Variants in MIR2052HG observed in about 807,000 individuals in gnomAD.
The protein encoded by MIR2052HG is MIR2052 host gene.
intron 4 of MIR2052HG, among the ~76,000 whole-genome samples, chr8:74,734,559 T>A (rs73687265): frequency 0.019 from 2,859 of 152,298 alleles, 80 homozygotes; most frequent in African/African-American, 0.064. Context: ...CAAAGCCCTG[T>A]AGGTCATTAT....
chr8:74,724,346 C>G (rs1418523284), intron 4 of MIR2052HG, among the ~76,000 whole-genome samples: 1 of 152,110 alleles, frequency 6.6e-6, no homozygotes, highest in Non-Finnish European at 1.5e-5. Context: ...CCAGAAGGAA[C>G]TTAAAGTAAT....
intron 2 of MIR2052HG, among the ~76,000 whole-genome samples, chr8:74,685,545 G>A (rs938176793): frequency 2.6e-5 from 4 of 152,020 alleles, no homozygotes; most frequent in African/African-American, 4.8e-5. Context: ...CTTCTGTAGC[G>A]TTTGGTTTGG....
At chr8:74,602,876 T>TCTTTCTTTCTTTCTTTCTTTTC (rs1554570015) in intron 1 of MIR2052HG, among the ~76,000 whole-genome samples, 5 of 137,172 alleles carry the variant, frequency 3.6e-5, no homozygotes, top group East Asian at 2.2e-4. Flanking sequence ...TTTCTTTCTT[T>TCTTTCTTTCTTTCTTTCTTTTC]TTTCTATTCA....
At chr8:74,662,304 A>T (rs1252117172) in intron 2 of MIR2052HG, among the ~76,000 whole-genome samples, 1 of 152,154 alleles carries the variant, frequency 6.6e-6, no homozygotes, top group Admixed American at 6.5e-5. Flanking sequence ...TTGCCTATTT[A>T]TATATTCCAA....
At chr8:74,628,060 C>T (rs919524767) in intron 2 of MIR2052HG, among the ~76,000 whole-genome samples, 4 of 152,144 alleles carry the variant, frequency 2.6e-5, no homozygotes, top group African/African-American at 9.7e-5. Context: ...TTCTGATTGC[C>T]TTGTTCTGCT....
At chr8:74,606,082 AG>A (rs1808106613) in intron 1 of MIR2052HG, among the ~76,000 whole-genome samples, 1 of 152,224 alleles carries the variant, frequency 6.6e-6, no homozygotes, top group Non-Finnish European at 1.5e-5. Context: ...TAGGCAAAAA[AG>A]TTAAAAGGAT....
At chr8:74,640,364 G>C (rs1019378103) in intron 2 of MIR2052HG, among the ~76,000 whole-genome samples, 3 of 151,462 alleles carry the variant, frequency 2.0e-5, no homozygotes, top group Non-Finnish European at 4.4e-5. Flanking sequence ...CCAGCTACTC[G>C]GGAGGCTGAG....
At chr8:74,616,031 G>T (rs1008688747) in intron 2 of MIR2052HG, among the ~76,000 whole-genome samples, 4 of 152,068 alleles carry the variant, frequency 2.6e-5, no homozygotes, top group African/African-American at 9.7e-5. Flanking sequence ...GTTTGGGTTG[G>T]TTCCAAGTCT....
intron 4 of MIR2052HG, among the ~76,000 whole-genome samples, chr8:74,730,870 A>G (rs1436166231): frequency 6.6e-6 from 1 of 152,188 alleles, no homozygotes; most frequent in African/African-American, 2.4e-5. Flanking sequence ...AGGTGAGAAT[A>G]TATACAGGAT....
At chr8:74,722,205 G>A (rs1285918098) in intron 4 of MIR2052HG, among the ~76,000 whole-genome samples, 1 of 152,084 alleles carries the variant, frequency 6.6e-6, no homozygotes, top group Non-Finnish European at 1.5e-5. Flanking sequence ...AAAAATCAAG[G>A]CTCTATGTTT....
chr8:74,747,165 G>C (rs754379465), intron 4 of MIR2052HG, among the ~76,000 whole-genome samples: 4 of 152,118 alleles, frequency 2.6e-5, no homozygotes, highest in Non-Finnish European at 5.9e-5. Flanking sequence ...GTGTGTTTGT[G>C]TACAAATCCT....
chr8:74,691,405 C>G (rs939262953), intron 2 of MIR2052HG, among the ~76,000 whole-genome samples: 1 of 152,176 alleles, frequency 6.6e-6, no homozygotes, highest in Admixed American at 6.5e-5. Flanking sequence ...GCTAGGAAGA[C>G]CTTTCAGAGG....
At chr8:74,685,713 A>C (rs1168974678) in intron 2 of MIR2052HG, among the ~76,000 whole-genome samples, 2 of 152,068 alleles carry the variant, frequency 1.3e-5, no homozygotes, top group Admixed American at 6.6e-5. Flanking sequence ...AGTCATGCAT[A>C]ATAAGGAAAC....
Position 74,663,202 on chromosome 8 carries a change from T to C in MIR2052HG, n.217-39177T>C, listed in dbSNP as rs143698915. On this transcript the variant is annotated intron_variant and non_coding_transcript_variant, in intron 2 of 6. Coordinates refer to ENST00000523442, the Ensembl canonical transcript of MIR2052HG. The stretch of plus-strand genomic sequence containing the variant: ...AAAAAGTGAAAGTGAACAGAAGATG[T>C]AAATTACACTGACTTTTTTTGCCCA... Among the ~76,000 whole-genome samples, 605 of 152,230 alleles carry C rather than the reference T, an allele frequency of 4.0e-3. 5 individuals carry two copies. Among genetic ancestry groups the C allele is most frequent in the African/African-American group, 0.014 (570 of 41,552 alleles).
chr8:74,617,456 GGTGTGTGTGTGTGT>G (rs61474557), intron 2 of MIR2052HG, among the ~76,000 whole-genome samples: 7 of 147,394 alleles, frequency 4.7e-5, no homozygotes, highest in African/African-American at 1.5e-4. Flanking sequence ...TATTCCATTG[GGTGTGTGTGTGTGT>G]GTGTGTGTGT....
chr8:74,622,305 A>G (rs1808372827), intron 2 of MIR2052HG, among the ~76,000 whole-genome samples: 1 of 152,222 alleles, frequency 6.6e-6, no homozygotes, highest in African/African-American at 2.4e-5. Context: ...GTCAACATGT[A>G]TATGAAAAAA....
intron 1 of MIR2052HG, among the ~76,000 whole-genome samples, chr8:74,602,876 T>TCTTTCCTTTC: frequency 7.3e-6 from 1 of 137,062 alleles, no homozygotes; most frequent in East Asian, 2.2e-4. Context: ...TTTCTTTCTT[T>TCTTTCCTTTC]TTTCTATTCA....
At chr8:74,653,275 G>A (rs1808771490) in intron 2 of MIR2052HG, among the ~76,000 whole-genome samples, 1 of 152,064 alleles carries the variant, frequency 6.6e-6, no homozygotes, top group Non-Finnish European at 1.5e-5. Context: ...TGTTTATTTT[G>A]CCAAGAGATT....
At chr8:74,741,889 G>T (rs1277261990) in intron 4 of MIR2052HG, among the ~76,000 whole-genome samples, 1 of 152,204 alleles carries the variant, frequency 6.6e-6, no homozygotes, top group Non-Finnish European at 1.5e-5. Context: ...TTTGTTCACA[G>T]TATGGGCTGA....
Sources: allele counts gnomAD v4.1 joint callset (sites outside exome capture counted in the v4.1 genomes callset), GRCh38; gene constraint gnomAD v4.1.1; transcripts MANE v1.5; gene names NCBI Gene and HGNC (gene_info 2026-07-23, HGNC 2026-07-21).